Variants in CD163 observed in about 807,000 individuals in gnomAD.
CD163 encodes CD163 molecule.
Under a neutral mutation model 129.2 loss-of-function variants are expected in CD163, and 64 were observed. The ratio of observed to expected loss-of-function variants is 0.50; its 90% CI spans 0.41 to 0.61. The LOEUF (loss-of-function observed/expected upper bound fraction) is 0.61, where lower values mean the gene tolerates loss of function less well. CD163 is among the 20% of genes least tolerant of loss of function. The pLI, the probability that CD163 is intolerant of heterozygous loss-of-function variation, is 0.00. For synonymous variants in CD163, 446 were observed against 478.5 expected (o/e 0.93, Z 0.89); for missense variants, 1,061 against 1,377.9 (o/e 0.77, Z 3.64).
In CD163 at chr12:7,480,077, C is replaced by G. The variant is rs74322615; in HGVS notation, c.3344-164G>C. ...GTGAGGCTCTTTGAGCAACTAAAAA[C>G]ACCACCCATAACTAGGAAGAAAAGC... is the stretch of plus-strand genomic sequence containing the variant. On this transcript the variant is annotated intron_variant, in intron 15 of 16. Transcript: ENST00000432237. The G allele has an allele frequency of 7.0e-3, 9,244 of 1,320,650 alleles. 241 individuals are homozygous for G. The East Asian group carries it at 0.082, about 12-fold the overall frequency. 81.8% of individuals were successfully genotyped at this position (1,320,650 alleles called of 1,614,324 possible).
intron 6 of CD163, among the ~76,000 whole-genome samples, chr12:7,493,765 A>G (rs1418906138): frequency 6.6e-6 from 1 of 152,142 alleles, no homozygotes; most frequent in Non-Finnish European, 1.5e-5. Flanking sequence ...GAGAATTATT[A>G]GAAAGAAAAG....
Position 7,497,078 on chromosome 12 carries a change from T to C in CD163, c.834A>G (p.Arg278=). Residue 278 remains arginine, a synonymous_variant, in exon 5 of 17, where the codon AGA becomes AGG. Transcript: ENST00000432237. ...LVDGVTECSG[R]LEVRFQGEWG... is the part of the protein sequence containing the mutation. ...ATTCTCCTTGGAATCTCACTTCTAA[T>C]CTTCCTGAACATTCAGTGACTCCAT... 6.2e-7 allele frequency: 1 copy of C among 1,614,128 alleles called. No individual in the cohort carries two copies. Among genetic ancestry groups the C allele is most frequent in the South Asian group, 1.1e-5 (1 of 91,086 alleles).
chr12:7,490,881 T>A (rs1271897656), intron 6 of CD163, among the ~76,000 whole-genome samples: 2 of 151,974 alleles, frequency 1.3e-5, no homozygotes, highest in African/African-American at 4.8e-5. Context: ...AAATAACACC[T>A]CTACAATACA....
At chr12:7,497,451 T>G (rs1949418926) in intron 4 of CD163, among the ~76,000 whole-genome samples, 1 of 152,208 alleles carries the variant, frequency 6.6e-6, no homozygotes, top group Non-Finnish European at 1.5e-5. Context: ...TTTTTCTGGT[T>G]AAAATATATT....
intron 16 of CD163, among the ~76,000 whole-genome samples, chr12:7,473,357 C>G (rs1400471623): frequency 6.6e-6 from 1 of 152,180 alleles, no homozygotes; most frequent in Non-Finnish European, 1.5e-5. Context: ...GGCAGCCCAT[C>G]TGACTAACAG....
intron 6 of CD163, among the ~76,000 whole-genome samples, chr12:7,490,072 A>G (rs1473417637): frequency 6.6e-6 from 1 of 152,052 alleles, no homozygotes; most frequent in Non-Finnish European, 1.5e-5. Context: ...AACACAGTTC[A>G]CTACAAGATA....
At chr12:7,482,795 A>G (rs1171295304) in intron 13 of CD163, 33 bp from the exon 14 acceptor site, 3 of 1,611,308 alleles carry the variant, frequency 1.9e-6, no homozygotes, top group South Asian at 2.2e-5. Flanking sequence ...AGATATGATC[A>G]TGTCTTATCG....
Position 7,487,062 on chromosome 12 carries a change from T to G in CD163, c.2051-76A>C. On this transcript the variant is annotated intron_variant, in intron 8 of 16. Coordinates refer to ENST00000432237, the MANE Select transcript of CD163 (RefSeq NM_203416.4). This position sits in a 1 kb window ranked among gnomAD's most constrained non-coding sequence, Gnocchi z 5.1. ...TCAGATGAAATGTTATATGGATGAG[T>G]TGAGGACAAACATAGCTTAGAGAGA... 8.8e-7 allele frequency: 1 copy of G among 1,142,782 alleles called. No homozygotes were observed. The highest frequency in any genetic ancestry group is 2.4e-5 in the East Asian group (1 of 41,818). The allele number at this position is 1,142,782 out of a possible 1,614,324, so 70.8% of individuals were successfully genotyped here.
Position 7,487,116 on chromosome 12 carries a change from G to C in CD163, c.2051-130C>G, listed in dbSNP as rs767447571. On this transcript the variant is annotated intron_variant, in intron 8 of 16. Coordinates refer to ENST00000432237, the MANE Select transcript of CD163 (RefSeq NM_203416.4). This position sits in a 1 kb window ranked among gnomAD's most constrained non-coding sequence, Gnocchi z 5.1. ...GGGAAGGTGGATGGTCAACAAGTTT[G>C]AAATAAATCAGGTGCTTTGAGATGG... 4.8e-6 allele frequency: 4 copies of C among 827,454 alleles called. No homozygotes were observed. Among genetic ancestry groups the C allele is most frequent in the Non-Finnish European group, 7.6e-6 (4 of 527,110 alleles). The allele number at this position is 827,454 out of a possible 1,614,324, so 51.3% of individuals were successfully genotyped here.
chr12:7,476,696 A>G (rs1322137651), intron 16 of CD163, among the ~76,000 whole-genome samples: 1 of 152,236 alleles, frequency 6.6e-6, no homozygotes, highest in Non-Finnish European at 1.5e-5. Context: ...TCATAACTAA[A>G]ACACCAAAAG....
chr12:7,488,175 G>T, intron 6 of CD163, 88 bp from the exon 7 acceptor site: 3 of 1,352,242 alleles, frequency 2.2e-6, no homozygotes, highest in Non-Finnish European at 3.0e-6. Context: ...TGTGGAGTGG[G>T]AAATGGAGAC....
At chr12:7,480,020 G>T in intron 15 of CD163, 107 bp from the exon 16 acceptor site, 1 of 1,599,836 alleles carries the variant, frequency 6.3e-7, no homozygotes, top group African/African-American at 1.3e-5. Flanking sequence ...AATAATTACT[G>T]GGAAATAAAC....
Position 7,487,600 on chromosome 12 carries a change from G to A in CD163, c.1809C>T (p.Ala603=), listed in dbSNP as rs1177628239. 1 of 1,614,096 alleles carries A rather than the reference G, an allele frequency of 6.2e-7. No individual in the cohort carries two copies. Among genetic ancestry groups the A allele is most frequent in the African/African-American group, 1.3e-5 (1 of 75,034 alleles). ...AGTGAGAGTTACAGAGGGATCCCCA[G>A]GCACCAAGCGTTTTGAGCTCCACTC... The part of the protein sequence containing the change: ...EGRVELKTLG[A]WGSLCNSHWD... Residue 603 remains alanine (A), a synonymous_variant, in exon 8 of 17, where the codon GCC becomes GCT. Transcript: ENST00000432237. The surrounding 1 kb of genome is among the most constrained non-coding windows in gnomAD (Gnocchi z 5.1).
chr12:7,475,113 A>AC (rs1179247445), intron 16 of CD163, among the ~76,000 whole-genome samples: 2 of 150,436 alleles, frequency 1.3e-5, no homozygotes, highest in Non-Finnish European at 3.0e-5. Flanking sequence ...AAAAAAAAAA[A>AC]AAAAACCATG....
At position 7,485,117 on chromosome 12, in the gene CD163, C is replaced by T. The variant is rs1293812375; in HGVS notation, c.2758G>A (p.Glu920Lys). Residue 920 changes from glutamate to lysine, a missense_variant, in exon 11 of 17, where the codon GAG becomes AAG. Physicochemically the swap from Glu to Lys is moderately conservative, Grantham distance 56. Transcript: ENST00000432237. This position sits in a 1 kb window ranked among gnomAD's most constrained non-coding sequence, Gnocchi z 4.5. The part of the protein sequence containing the change: ...WEKRLASPSE[E>K]TWITCDNKIR... The stretch of plus-strand genomic sequence containing the variant: ...TCACTGTCACATGTGATCCAGGTCT[C>T]CTCCGAGGGGCTGGCCAGTCTCTTC... 6.2e-7 allele frequency: 1 copy of T among 1,609,252 alleles called. No individual in the cohort carries two copies. The highest frequency in any genetic ancestry group is 1.7e-5 in the Admixed American group (1 of 59,902).
chr12:7,499,500 T>A (rs1037756821), intron 3 of CD163, among the ~76,000 whole-genome samples: 4 of 152,222 alleles, frequency 2.6e-5, no homozygotes, highest in African/African-American at 9.6e-5. Context: ...ATAGATAAAT[T>A]CGACTCAAGT....
Position 7,486,581 on chromosome 12 carries a change from T to A in CD163, c.2376A>T (p.Glu792Asp). Reference sequence around the variant, plus strand: ...GTGAATGGCACTGCCAAATGCGGGATTCTTTTCCATTGCATTTCATCTCAT... The same window carrying A: ...GTGAATGGCACTGCCAAATGCGGGAATCTTTTCCATTGCATTTCATCTCAT... ...WLDEMKCNGK[E>D]SRIWQCHSHG... Residue 792 changes from glutamate (E) to aspartate (D), a missense_variant, in exon 10 of 17, where the codon GAA becomes GAT. Coordinates refer to ENST00000432237, the MANE Select transcript of CD163 (RefSeq NM_203416.4). The A allele has an allele frequency of 6.2e-7, 1 of 1,614,214 alleles. No individual in the cohort carries two copies. Among genetic ancestry groups the A allele is most frequent in the Non-Finnish European group, 8.5e-7 (1 of 1,180,030 alleles).
chr12:7,491,737 T>C (rs766128624), intron 6 of CD163, among the ~76,000 whole-genome samples: 3 of 152,206 alleles, frequency 2.0e-5, no homozygotes, highest in Admixed American at 2.0e-4. Flanking sequence ...ATCATCATAA[T>C]CTCAGAATTA....
In CD163 at chr12:7,485,746, T is replaced by C. The variant is rs749423826; in HGVS notation, c.2459-330A>G. Among the ~76,000 whole-genome samples the C allele has an allele frequency of 2.6e-5, 4 of 152,284 alleles. No homozygotes were observed. In the South Asian group the frequency reaches 8.3e-4, roughly 32 times the overall value. ...CTCCTTTTTTTGCAACTGTCTTTGA[T>C]AGTTAAAATTGTTAGACACTCAGGC... On this transcript the variant is annotated intron_variant, in intron 10 of 16. Coordinates refer to ENST00000432237, the MANE Select transcript of CD163 (RefSeq NM_203416.4). The surrounding 1 kb of genome is among the most constrained non-coding windows in gnomAD (Gnocchi z 4.5).
Sources: allele counts gnomAD v4.1 joint callset (sites outside exome capture counted in the v4.1 genomes callset), GRCh38; gene constraint gnomAD v4.1.1; non-coding constraint Gnocchi (gnomAD v3.1); transcripts MANE v1.5; gene names NCBI Gene and HGNC (gene_info 2026-07-23, HGNC 2026-07-21).